ADAMTSL1: variants seen among roughly 807,000 people sequenced by gnomAD.
ADAMTSL1 encodes the protein ADAMTS like 1, also known as ADAMTS-like protein 1.
A neutral mutation model predicts 201.8 loss-of-function variants in ADAMTSL1; 126 were observed. The ratio of observed to expected loss-of-function variants is 0.62; its 90% CI spans 0.54 to 0.72. ADAMTSL1 has a LOEUF of 0.72. Ranked by LOEUF, ADAMTSL1 falls within the 30% of genes least tolerant of loss-of-function variation. The probability of loss-of-function intolerance (pLI) is 0.00; values close to 1 mark genes in which losing one functional copy is unlikely to be tolerated. For synonymous variants in ADAMTSL1, 1,121 were observed against 903.4 expected (o/e 1.24, Z -4.32); for missense variants, 2,679 against 2,277.8 (o/e 1.18, Z -3.59).
At chr9:18,721,703 C>T (rs201419052) in intron 15 of ADAMTSL1, 38 bp downstream of exon 15, 39 of 1,604,924 alleles carry the variant, frequency 2.4e-5, no homozygotes, top group Middle Eastern at 3.3e-4. Context: ...TCCAGGGGCA[C>T]GTACAGAACT....
At chr9:18,785,497 G>A (rs1821657191) in intron 19 of ADAMTSL1, among the ~76,000 whole-genome samples, 1 of 152,238 alleles carries the variant, frequency 6.6e-6, no homozygotes, top group South Asian at 2.1e-4. Context: ...CTACATTTGT[G>A]TGTGTCTGTG....
At chr9:18,767,704 C>A (rs1024534917) in intron 16 of ADAMTSL1, among the ~76,000 whole-genome samples, 2 of 152,146 alleles carry the variant, frequency 1.3e-5, no homozygotes, top group African/African-American at 4.8e-5. Context: ...CTAGGCAGTG[C>A]GGGTACAAAA....
chr9:18,859,702 A>G (rs761510073), intron 23 of ADAMTSL1, among the ~76,000 whole-genome samples: 16 of 152,234 alleles, frequency 1.1e-4, no homozygotes, highest in Non-Finnish European at 1.2e-4. Context: ...ACCTAGGGAA[A>G]TATTTGGTCA....
At chr9:17,941,346 G>T (rs1827231327) in intron 1 of ADAMTSL1, among the ~76,000 whole-genome samples, 1 of 152,094 alleles carries the variant, frequency 6.6e-6, no homozygotes, top group Non-Finnish European at 1.5e-5. Flanking sequence ...TCAGTTGCCA[G>T]CCACAGCAGC....
At chr9:18,407,817 T>C (rs1818269049) in intron 2 of ADAMTSL1, among the ~76,000 whole-genome samples, 2 of 152,168 alleles carry the variant, frequency 1.3e-5, no homozygotes, top group African/African-American at 4.8e-5. Flanking sequence ...TGAGATATTG[T>C]CAGAGAAGAA....
chr9:18,749,601 G>A (rs1819344191), intron 15 of ADAMTSL1, among the ~76,000 whole-genome samples: 1 of 152,100 alleles, frequency 6.6e-6, no homozygotes, highest in Admixed American at 6.5e-5. Context: ...GGCTCTGCCT[G>A]GCCTGCATTT....
chr9:18,210,108 C>A (rs1354506746), intron 2 of ADAMTSL1, among the ~76,000 whole-genome samples: 1 of 152,084 alleles, frequency 6.6e-6, no homozygotes, highest in South Asian at 2.1e-4. Context: ...CTTCACCAGC[C>A]TCTTTCTCTT....
chr9:18,346,750 C>G (rs189337171), intron 2 of ADAMTSL1, among the ~76,000 whole-genome samples: 7 of 152,196 alleles, frequency 4.6e-5, no homozygotes, highest in African/African-American at 1.7e-4. Flanking sequence ...AAGTCACCCG[C>G]TAATTAACAA....
intron 19 of ADAMTSL1, among the ~76,000 whole-genome samples, chr9:18,784,685 T>G (rs924405814): frequency 4.6e-5 from 7 of 152,146 alleles, no homozygotes; most frequent in Non-Finnish European, 7.4e-5. Flanking sequence ...TCCCACCACA[T>G]CCAGGCCAGT....
chr9:18,313,541 C>G (rs1834235409), intron 2 of ADAMTSL1, among the ~76,000 whole-genome samples: 1 of 152,186 alleles, frequency 6.6e-6, no homozygotes, highest in South Asian at 2.1e-4. Context: ...TGGCATCTGT[C>G]TCTTTTTAAA....
chr9:18,204,289 G>A (rs903196064), intron 2 of ADAMTSL1, among the ~76,000 whole-genome samples: 1 of 151,916 alleles, frequency 6.6e-6, no homozygotes, highest in Non-Finnish European at 1.5e-5. Context: ...GATAGTGAGT[G>A]AATTTCTCAT....
chr9:18,270,832 T>C (rs1038179551), intron 2 of ADAMTSL1, among the ~76,000 whole-genome samples: 3 of 152,158 alleles, frequency 2.0e-5, no homozygotes, highest in African/African-American at 7.2e-5. Flanking sequence ...AAGGGAAATA[T>C]GAGTGGAAGT....
At chr9:18,284,121 C>T (rs113767255) in intron 2 of ADAMTSL1, among the ~76,000 whole-genome samples, 2 of 151,036 alleles carry the variant, frequency 1.3e-5, no homozygotes, top group African/African-American at 4.9e-5. Flanking sequence ...TTCCACTACT[C>T]GGGAGGCTGA....
chr9:17,968,264 G>T (rs1473961727), intron 1 of ADAMTSL1, among the ~76,000 whole-genome samples: 1 of 152,118 alleles, frequency 6.6e-6, no homozygotes, highest in Non-Finnish European at 1.5e-5. Flanking sequence ...GCCACTAGCA[G>T]TTCCCACCCT....
At chr9:18,831,752 G>C (rs543122745) in intron 23 of ADAMTSL1, among the ~76,000 whole-genome samples, 45 of 152,310 alleles carry the variant, frequency 3.0e-4, no homozygotes, top group Non-Finnish European at 5.7e-4. Flanking sequence ...GTCCCTGAAT[G>C]TAACTGCCTG....
At chr9:18,079,267 T>C (rs1823369078) in intron 1 of ADAMTSL1, among the ~76,000 whole-genome samples, 1 of 152,236 alleles carries the variant, frequency 6.6e-6, no homozygotes, top group African/African-American at 2.4e-5. Flanking sequence ...ATTTACACTC[T>C]TTTTGAAGAT....
At chr9:18,796,799 CAG>C (rs1253035300) in intron 20 of ADAMTSL1, 1 of 152,194 alleles carries the variant, frequency 6.6e-6, no homozygotes, top group African/African-American at 2.4e-5. Context: ...CCTCTTTATA[CAG>C]AGTCCAGATG....
chr9:18,835,998 T>A (rs10811044), intron 23 of ADAMTSL1, among the ~76,000 whole-genome samples: 46,521 of 152,032 alleles, frequency 0.31, 7,488 homozygotes, highest in East Asian at 0.46. Context: ...GTAGAATGAT[T>A]TATTTTCTTT....
intron 2 of ADAMTSL1, among the ~76,000 whole-genome samples, chr9:18,369,827 T>C (rs1444712052): frequency 1.3e-5 from 2 of 152,162 alleles, no homozygotes; most frequent in African/African-American, 2.4e-5. Context: ...TAAGGAAGAA[T>C]GAAACTGTCT....
Sources: allele counts gnomAD v4.1 joint callset (sites outside exome capture counted in the v4.1 genomes callset), GRCh38; gene constraint gnomAD v4.1.1; transcripts MANE v1.5; gene names NCBI Gene and HGNC (gene_info 2026-07-23, HGNC 2026-07-21).